The following LONP1 variants were observed in gnomAD, a reference collection of about 807,000 sequenced individuals.
LONP1 encodes lon peptidase 1, mitochondrial.
LONP1 carries 31 observed loss-of-function variants against 98.5 expected under a neutral mutation model. That is an observed-to-expected ratio of 0.31 (90% confidence interval 0.24 to 0.42). The LOEUF (loss-of-function observed/expected upper bound fraction) is 0.42. Among genes scored for constraint, LONP1 ranks in the 20% least tolerant of loss-of-function variants. LONP1 has a pLI of 1.00. For missense variants in LONP1, 1,336 were observed against 1,350.6 expected, an observed-to-expected ratio of 0.99 and a Z score of 0.17; for synonymous variants, 781 against 594.7, an observed-to-expected ratio of 1.31 and a Z score of -4.56.
chr19:5,694,112 G>C (rs2054880896), intron 15 of LONP1, among the ~76,000 whole-genome samples: 1 of 152,184 alleles, frequency 6.6e-6, no homozygotes, highest in Non-Finnish European at 1.5e-5. Context: ...TTTGTGCGTG[G>C]TGGCCCCAAG....
intron 10 of LONP1, among the ~76,000 whole-genome samples, chr19:5,697,451 C>T (rs926710466): frequency 5.4e-5 from 8 of 148,862 alleles, no homozygotes; most frequent in South Asian, 2.1e-4. Context: ...AACAGGACCA[C>T]GCCTGGTGTG....
chr19:5,692,468 C>G (rs965941851), intron 17 of LONP1, among the ~76,000 whole-genome samples: 1 of 152,162 alleles, frequency 6.6e-6, no homozygotes, highest in Non-Finnish European at 1.5e-5. Context: ...TCTGGCCGTG[C>G]GGTGGGAGCA....
chr19:5,705,756 C>G lies in LONP1; in HGVS notation c.1367+16G>C. ...GGGTCACCTGAGGGCTGGGCCGCCC[C>G]GGGCCTGGCACTCACTTGAACTCCG... On this transcript the variant is annotated intron_variant, in intron 8 of 17. Transcript: ENST00000360614. The G allele has an allele frequency of 6.2e-7, 1 of 1,612,498 alleles. No individual in the cohort carries two copies. Among genetic ancestry groups the G allele is most frequent in the Non-Finnish European group, 8.5e-7 (1 of 1,179,350 alleles).
chr19:5,718,373 G>T (rs532671285), intron 1 of LONP1, among the ~76,000 whole-genome samples: 71 of 152,096 alleles, frequency 4.7e-4, no homozygotes, highest in Admixed American at 1.1e-3. Flanking sequence ...AGCTACTCAG[G>T]GGGCTGAGGC....
chr19:5,692,301 G>C, intron 17 of LONP1, 93 bp from the exon 18 acceptor site: 2 of 1,231,344 alleles, frequency 1.6e-6, no homozygotes, highest in Non-Finnish European at 1.1e-6. Flanking sequence ...CTGGGGACCG[G>C]CGATACACAG....
At chr19:5,714,580 T>C (rs1046238621) in intron 1 of LONP1, among the ~76,000 whole-genome samples, 1 of 150,998 alleles carries the variant, frequency 6.6e-6, no homozygotes, top group African/African-American at 2.4e-5. Flanking sequence ...GCCGGGATTA[T>C]AGGCGTGAGC....
rs552452093 is a variant in LONP1 at position 5,705,457 on chromosome 19, C to CAA, written c.1367+313_1367+314dup. Among the ~76,000 whole-genome samples, 6,657 of 105,800 alleles carry CAA rather than the reference C, an allele frequency of 0.063. 213 individuals are homozygous for CAA. Among genetic ancestry groups the CAA allele is most frequent in the Non-Finnish European group, 0.068 (3,673 of 53,788 alleles). 69.4% of individuals were successfully genotyped at this position (105,800 alleles called of 152,430 possible). A position where few individuals can be genotyped will look rare whatever the true frequency, so the allele number is the denominator to read the frequency against. On this transcript the variant is annotated intron_variant, in intron 8 of 17. Coordinates refer to ENST00000360614, the MANE Select transcript of LONP1 (RefSeq NM_004793.4). ...TGGACAACTGAGCGAGACTCCATTTCAAAAAAAAAAAAAAAAAAAAGCAGC... is the reference window on the plus strand; with the variant it reads ...TGGACAACTGAGCGAGACTCCATTTCAAAAAAAAAAAAAAAAAAAAAAGCAGC...
intron 10 of LONP1, among the ~76,000 whole-genome samples, chr19:5,697,230 G>A (rs1013938198): frequency 6.6e-6 from 1 of 152,136 alleles, no homozygotes; most frequent in Non-Finnish European, 1.5e-5. Context: ...ACGAGAGACA[G>A]TGAGGAAGGC....
intron 1 of LONP1, among the ~76,000 whole-genome samples, chr19:5,719,079 T>G (rs2055377737): frequency 2.0e-5 from 3 of 152,180 alleles, no homozygotes. Context: ...CAGATTTATT[T>G]TTTAAGAGAC....
At chr19:5,701,982 C>CCTGT (rs549362310) in intron 8 of LONP1, among the ~76,000 whole-genome samples, 2,584 of 151,010 alleles carry the variant, frequency 0.017, 49 homozygotes, top group East Asian at 0.034. Flanking sequence ...GCCCGGCAGC[C>CCTGT]CTGAGAAGTG....
chr19:5,701,793 T>C lies in LONP1; in HGVS notation c.1368-866A>G, dbSNP rs569985117. On this transcript the variant is annotated intron_variant, in intron 8 of 17. Transcript: ENST00000360614. ...AGGAGCGTCTCTGCCTGGCCGCCCA[T>C]CGTCTGGGATGTGAGGAGCCCCTCT... Among the ~76,000 whole-genome samples, 3 of 148,038 alleles carry C rather than the reference T, an allele frequency of 2.0e-5. No individual in the cohort carries two copies. In the East Asian group the frequency reaches 6.2e-4, roughly 30 times the overall value.
chr19:5,697,383 C>A (rs1017108186), intron 10 of LONP1, among the ~76,000 whole-genome samples: 1 of 151,462 alleles, frequency 6.6e-6, no homozygotes, highest in South Asian at 2.1e-4. Flanking sequence ...GAGAGAGCCA[C>A]GTGAGGGTCT....
chr19:5,714,724 T>C (rs1029838737), intron 1 of LONP1, among the ~76,000 whole-genome samples: 6 of 150,102 alleles, frequency 4.0e-5, no homozygotes, highest in African/African-American at 1.5e-4. Flanking sequence ...GATCAAGCAA[T>C]TCTCTGCCTC....
chr19:5,709,625 T>G (rs2055204278), intron 4 of LONP1, among the ~76,000 whole-genome samples: 1 of 152,036 alleles, frequency 6.6e-6, no homozygotes, highest in South Asian at 2.1e-4. Context: ...TAAGAATAAG[T>G]TCAGCTGGGC....
chr19:5,696,528 A>G, intron 11 of LONP1, 142 bp downstream of exon 11: 2 of 1,290,490 alleles, frequency 1.5e-6, no homozygotes, highest in Non-Finnish European at 2.1e-6. Context: ...TGTGGGTGGG[A>G]GGGACCCGTC....
intron 9 of LONP1, 30 bp from the exon 10 acceptor site, chr19:5,699,235 G>A (rs778712955): frequency 8.9e-6 from 13 of 1,465,946 alleles, no homozygotes; most frequent in African/African-American, 2.9e-5. Flanking sequence ...CAGTGGGCAC[G>A]TGAGCTGGGG....
chr19:5,710,509 C>T (rs1280285524), intron 4 of LONP1, among the ~76,000 whole-genome samples: 2 of 152,122 alleles, frequency 1.3e-5, no homozygotes. Context: ...GATCCTCCCA[C>T]AGGTTAGACC....
intron 8 of LONP1, among the ~76,000 whole-genome samples, chr19:5,704,686 A>G (rs1264620401): frequency 6.6e-6 from 1 of 152,212 alleles, no homozygotes; most frequent in Non-Finnish European, 1.5e-5. Context: ...TCTCAGAGGT[A>G]CCTGAGGCCC....
rs564861330 is a variant in LONP1, at chr19:5,693,060, C to T, written c.2703+238G>A. On this transcript the variant is annotated intron_variant, in intron 17 of 17. Transcript: ENST00000360614. ...TGCCTGGGAAGAGAAGCAGGAGCCACCCCCCCAATCCTACTGGGGAAGCCA... is the reference window on the plus strand; with the variant it reads ...TGCCTGGGAAGAGAAGCAGGAGCCATCCCCCCAATCCTACTGGGGAAGCCA... 7.1e-4 allele frequency among the ~76,000 whole-genome samples: 108 copies of T among 152,164 alleles called. No individual in the cohort carries two copies. The South Asian group carries it at 0.022, about 30-fold the overall frequency.
Sources: allele counts gnomAD v4.1 joint callset (sites outside exome capture counted in the v4.1 genomes callset), GRCh38; gene constraint gnomAD v4.1.1; transcripts MANE v1.5; gene names NCBI Gene and HGNC (gene_info 2026-07-23, HGNC 2026-07-21).